The following ADAMTS18 variants were observed in gnomAD, a reference collection of about 807,000 sequenced individuals.
ADAMTS18 encodes ADAM metallopeptidase with thrombospondin type 1 motif 18.
ADAMTS18 carries 157 observed loss-of-function variants against 165.9 expected under a neutral mutation model. That is an observed-to-expected ratio of 0.95 (90% CI 0.83 to 1.08). The LOEUF is 1.08. Among genes scored for constraint, ADAMTS18 ranks in the 50% least tolerant of loss-of-function variants. The pLI is 0.00. For synonymous variants in ADAMTS18, 782 were observed against 578.2 expected (o/e 1.35, Z -5.06); for missense variants, 2,040 against 1,534.0 (o/e 1.33, Z -5.51).
chr16:77,384,084 G>A (rs1470591134), intron 3 of ADAMTS18, among the ~76,000 whole-genome samples: 1 of 151,984 alleles, frequency 6.6e-6, no homozygotes, highest in East Asian at 1.9e-4. Context: ...CTGTTCTGCC[G>A]ACTTCCCTAT....
rs576774271 is a variant in ADAMTS18 at position 77,294,570 on chromosome 16, T to C, written c.3006+353A>G. Among the ~76,000 whole-genome samples the C allele has an allele frequency of 3.9e-5, 6 of 152,350 alleles. No individual in the cohort carries two copies. The East Asian group carries it at 9.6e-4, about 24-fold the overall frequency. On this transcript the variant is annotated intron_variant, in intron 19 of 22. Transcript: ENST00000282849. ...CTTTCCCATTGAAGCAAGAGTTAAATATCTCTTCGATGCTTCATTCTTTGT... is the reference window on the plus strand; with the variant it reads ...CTTTCCCATTGAAGCAAGAGTTAAACATCTCTTCGATGCTTCATTCTTTGT...
rs1175274393 is a variant in ADAMTS18, at chr16:77,335,898, G to A, written c.1717C>T (p.Arg573Trp). ...CCAAACTTTACGCACTGGCCTTGCC[G>A]ACACCACTGTGAAAAGAACGTGTAA... is the stretch of plus-strand genomic sequence containing the variant. ...GTVCGLSMWC[R>W]QGQCVKFGEL... Residue 573 changes from arginine to tryptophan, a missense_variant, in exon 12 of 23, where the codon CGG becomes TGG. Arg to Trp is a moderately radical substitution (Grantham distance 101). Transcript: ENST00000282849. 1.4e-5 allele frequency: 22 copies of A among 1,614,042 alleles called. No individual in the cohort carries two copies. Among genetic ancestry groups the A allele is most frequent in the South Asian group, 7.7e-5 (7 of 91,088 alleles).
intron 3 of ADAMTS18, among the ~76,000 whole-genome samples, chr16:77,421,048 T>C (rs1276321077): frequency 2.0e-5 from 3 of 152,184 alleles, no homozygotes; most frequent in African/African-American, 4.8e-5. Context: ...GGTGTGCACA[T>C]AGCTGACTTG....
chr16:77,404,766 T>C (rs1292240627), intron 3 of ADAMTS18, among the ~76,000 whole-genome samples: 2 of 152,164 alleles, frequency 1.3e-5, no homozygotes, highest in African/African-American at 4.8e-5. Context: ...TGCTAGGCTC[T>C]GAAGCTGCAA....
At chr16:77,296,462 C>G (rs763404520) in intron 18 of ADAMTS18, among the ~76,000 whole-genome samples, 1 of 152,090 alleles carries the variant, frequency 6.6e-6, no homozygotes, top group Non-Finnish European at 1.5e-5. Flanking sequence ...GGCACACAAC[C>G]GCACGCAAAT....
At chr16:77,363,686 G>C (rs983206664) in intron 6 of ADAMTS18, 116 bp downstream of exon 6, 1 of 896,452 alleles carries the variant, frequency 1.1e-6, no homozygotes, top group Non-Finnish European at 1.8e-6. Flanking sequence ...AGTCAGCCTA[G>C]TTTCAAATTT....
At chr16:77,367,867 C>T (rs2056821874) in intron 3 of ADAMTS18, 144 bp from the exon 4 acceptor site, 1 of 925,560 alleles carries the variant, frequency 1.1e-6, no homozygotes, top group Non-Finnish European at 1.7e-6. Flanking sequence ...TTTTTATCTG[C>T]ACCATTACAA....
chr16:77,430,249 C>A lies in ADAMTS18; in HGVS notation c.495+1046G>T, dbSNP rs746159483. Among the ~76,000 whole-genome samples the A allele has an allele frequency of 6.4e-4, 98 of 152,106 alleles. 1 individual carries two copies. Among genetic ancestry groups the A allele is most frequent in the Non-Finnish European group, 2.1e-4 (14 of 68,028 alleles). ...TTATAATATATAGGTCAATGGTGAG[C>A]CATGTTCATCATTTTAAATAGACCA... On this transcript the variant is annotated intron_variant, in intron 3 of 22. Transcript: ENST00000282849.
chr16:77,369,533 A>C (rs564758691), intron 3 of ADAMTS18, among the ~76,000 whole-genome samples: 86 of 152,336 alleles, frequency 5.6e-4, no homozygotes, highest in Middle Eastern at 3.4e-3. Flanking sequence ...CAGTCTACCA[A>C]AACTGAAACA....
In ADAMTS18 at chr16:77,334,354, C is replaced by T. The variant is rs367723417; in HGVS notation, c.1859+1402G>A. On this transcript the variant is annotated intron_variant, in intron 12 of 22. Transcript: ENST00000282849. Reference sequence around the variant, plus strand: ...TACATATATTATACTATTATATATACTACATATTTATATTATATATAGTAT... The same window carrying T: ...TACATATATTATACTATTATATATATTACATATTTATATTATATATAGTAT... 1.9e-3 allele frequency among the ~76,000 whole-genome samples: 143 copies of T among 74,080 alleles called. 32 individuals are homozygous for T. Among genetic ancestry groups the T allele is most frequent in the African/African-American group, 8.1e-3 (138 of 17,126 alleles). The allele number at this position is 74,080 out of a possible 152,430, so 48.6% of individuals were successfully genotyped here.
At chr16:77,404,404 A>G (rs913179627) in intron 3 of ADAMTS18, among the ~76,000 whole-genome samples, 3 of 152,170 alleles carry the variant, frequency 2.0e-5, no homozygotes, top group African/African-American at 7.2e-5. Flanking sequence ...CCACTGTACT[A>G]TATAATCATA....
intron 4 of ADAMTS18, among the ~76,000 whole-genome samples, chr16:77,365,701 T>C (rs1257109633): frequency 6.6e-6 from 1 of 152,182 alleles, no homozygotes; most frequent in Non-Finnish European, 1.5e-5. Context: ...AAATGGCACC[T>C]GGAAAGCTCA....
At chr16:77,348,271 G>C (rs1299790516) in intron 10 of ADAMTS18, among the ~76,000 whole-genome samples, 1 of 152,092 alleles carries the variant, frequency 6.6e-6, no homozygotes, top group Admixed American at 6.6e-5. Flanking sequence ...TGGAAATCTA[G>C]ATAATAACCT....
chr16:77,343,539 G>C (rs1357236452), intron 10 of ADAMTS18, among the ~76,000 whole-genome samples: 3 of 152,184 alleles, frequency 2.0e-5, no homozygotes, highest in Non-Finnish European at 2.9e-5. Flanking sequence ...AACTCATTTA[G>C]CTGAAAAAAC....
At position 77,293,684 on chromosome 16, in the gene ADAMTS18, G is replaced by A. The variant is rs144318614; in HGVS notation, c.3007-426C>T. Among the ~76,000 whole-genome samples the A allele has an allele frequency of 9.1e-4, 137 of 150,896 alleles. 3 individuals carry two copies. Among genetic ancestry groups the A allele is most frequent in the African/African-American group, 3.3e-3 (135 of 40,960 alleles). On this transcript the variant is annotated intron_variant, in intron 19 of 22. Transcript: ENST00000282849. ...TTTTGCAGAACACTGTATTTCCATG[G>A]ACGGGCAGGGTGGTGCTTTGGGGAT... is the stretch of plus-strand genomic sequence containing the variant.
chr16:77,344,155 GTA>G lies in ADAMTS18; in HGVS notation c.1615-2358_1615-2357del, dbSNP rs150411045. Among the ~76,000 whole-genome samples, 430 of 139,964 alleles carry G rather than the reference GTA, an allele frequency of 3.1e-3. 1 individual carries two copies. The highest frequency in any genetic ancestry group is 7.8e-3 in the Middle Eastern group (2 of 258). 91.8% of individuals were successfully genotyped at this position (139,964 alleles called of 152,430 possible). On this transcript the variant is annotated intron_variant, in intron 10 of 22. Coordinates refer to ENST00000282849, the MANE Select transcript of ADAMTS18 (RefSeq NM_199355.4). ...CATACATATATATGTATGTGTGTGT[GTA>G]TATATATATATATATATATACACAT...
At chr16:77,369,482 A>C (rs185860799) in intron 3 of ADAMTS18, among the ~76,000 whole-genome samples, 181 of 152,304 alleles carry the variant, frequency 1.2e-3, no homozygotes, top group Non-Finnish European at 1.8e-3. Context: ...ACGCCAATGA[A>C]TTTGAAAACT....
In ADAMTS18 at chr16:77,335,880, T is replaced by G. The variant is rs1567493166; in HGVS notation, c.1735A>C (p.Lys579Gln). ...SMWCRQGQCV[K>Q]FGELGPRPIH... ...GGCCGGGGCCCGAGCTCCCCAAACT[T>G]TACGCACTGGCCTTGCCGACACCAC... Residue 579 changes from lysine (K) to glutamine (Q), a missense_variant, in exon 12 of 23, where the codon AAG (lysine) becomes CAG (glutamine). Transcript: ENST00000282849. The G allele has an allele frequency of 6.2e-7, 1 of 1,614,148 alleles. No homozygotes were observed.
At chr16:77,395,251 G>A (rs954216743) in intron 3 of ADAMTS18, among the ~76,000 whole-genome samples, 27 of 152,158 alleles carry the variant, frequency 1.8e-4, no homozygotes, top group East Asian at 1.9e-4. Flanking sequence ...GGTAGGGAGC[G>A]TTTGTAGGGG....
Sources: gnomAD v4.1 joint callset for allele counts (sites outside exome capture counted in the v4.1 genomes callset) on GRCh38, gnomAD v4.1.1 for gene constraint, MANE v1.5 for transcripts, NCBI Gene and HGNC (gene_info 2026-07-23, HGNC 2026-07-21) for gene names.